PADI3: variants seen among roughly 807,000 people sequenced by gnomAD.
PADI3 encodes protein-arginine deiminase type-3.
PADI3 carries 53 observed loss-of-function variants against 71.5 expected under a neutral mutation model. The ratio of observed to expected loss-of-function variants is 0.74; its 90% CI spans 0.59 to 0.93. The LOEUF (loss-of-function observed/expected upper bound fraction) is 0.93, where lower values mean the gene tolerates loss of function less well. PADI3 is among the 40% of genes least tolerant of loss of function. The probability of loss-of-function intolerance (pLI) is 0.00; values close to 1 mark genes in which losing one functional copy is unlikely to be tolerated. For missense variants in PADI3, 821 were observed against 868.0 expected, an observed-to-expected ratio of 0.95 and a Z score of 0.68; for synonymous variants, 361 against 347.5, an observed-to-expected ratio of 1.04 and a Z score of -0.43.
intron 13 of PADI3, chr1:17,278,005 C>A (rs1032781184): frequency 5.8e-5 from 9 of 154,144 alleles, no homozygotes; most frequent in African/African-American, 1.9e-4. Flanking sequence ...CATGCCCAAG[C>A]ACAGCCCCCT....
chr1:17,271,654 T>C (rs1340472143), intron 9 of PADI3, among the ~76,000 whole-genome samples: 8 of 151,604 alleles, frequency 5.3e-5, no homozygotes, highest in Admixed American at 5.3e-4. Flanking sequence ...AGTGTGTAGC[T>C]GGGGCAACAT....
chr1:17,279,079 C>A (rs2073369268), intron 13 of PADI3, among the ~76,000 whole-genome samples: 1 of 152,118 alleles, frequency 6.6e-6, no homozygotes, highest in Non-Finnish European at 1.5e-5. Context: ...CCTGGGAGAA[C>A]TTATGGTGAG....
intron 4 of PADI3, 73 bp from the exon 5 acceptor site, chr1:17,266,646 G>C: frequency 7.7e-7 from 1 of 1,290,356 alleles, no homozygotes; most frequent in Non-Finnish European, 1.1e-6. Flanking sequence ...TACAGGCCAG[G>C]CTCGGGTTCC....
intron 3 of PADI3, 70 bp from the exon 4 acceptor site, chr1:17,265,589 C>A: frequency 7.3e-7 from 1 of 1,360,942 alleles, no homozygotes; most frequent in Non-Finnish European, 1.1e-6. Context: ...CCCAGACAAG[C>A]CCTGAGATCA....
chr1:17,255,413 G>A (rs1430958176), intron 1 of PADI3, among the ~76,000 whole-genome samples: 9 of 152,180 alleles, frequency 5.9e-5, no homozygotes, highest in Non-Finnish European at 7.3e-5. Context: ...CCTCAGCGGC[G>A]AGGGTCCAAG....
intron 9 of PADI3, among the ~76,000 whole-genome samples, chr1:17,272,632 G>A (rs907505149): frequency 5.3e-5 from 8 of 151,984 alleles, no homozygotes; most frequent in Non-Finnish European, 8.8e-5. Context: ...TCAGTCTCCC[G>A]AGTAGCTGAG....
chr1:17,276,365 A>G (rs2073330045), intron 11 of PADI3, among the ~76,000 whole-genome samples, 154 bp from the exon 12 acceptor site: 1 of 152,196 alleles, frequency 6.6e-6, no homozygotes, highest in African/African-American at 2.4e-5. Context: ...AAAATGAAAT[A>G]TACATATTTA....
rs1196972831 is a variant in PADI3 at position 17,274,786 on chromosome 1, G to T, written c.1307G>T (p.Gly436Val). ...GRILIGGNLP[G>V]SSGRRVTQVV... The stretch of plus-strand genomic sequence containing the variant: ...ATCCTCATTGGGGGCAACCTGCCTG[G>T]GTGAGAGAGAGACAGGGAATGGAGT... The change falls in exon 11 of 16, where the codon GGG becomes GTG. Residue 436 changes from glycine (G) to valine (V), a missense_variant and splice_region_variant. Transcript: ENST00000375460. 3 of 1,612,836 alleles carry T rather than the reference G, an allele frequency of 1.9e-6. No individual in the cohort carries two copies. Among genetic ancestry groups the T allele is most frequent in the Admixed American group, 3.3e-5 (2 of 59,914 alleles).
At chr1:17,278,000 C>T (rs2073356410) in intron 13 of PADI3, 1 of 154,148 alleles carries the variant, frequency 6.5e-6, no homozygotes. Flanking sequence ...AGAGGCATGC[C>T]CAAGCACAGC....
At chr1:17,275,186 A>C (rs897122980) in intron 11 of PADI3, among the ~76,000 whole-genome samples, 10 of 152,102 alleles carry the variant, frequency 6.6e-5, no homozygotes, top group African/African-American at 2.4e-4. Context: ...CCGTAATCCC[A>C]GCACTTTGGG....
intron 3 of PADI3, 91 bp from the exon 4 acceptor site, chr1:17,265,568 C>T (rs2073156821): frequency 8.7e-7 from 1 of 1,153,604 alleles, no homozygotes; most frequent in Non-Finnish European, 1.3e-6. Flanking sequence ...AATGACTTGC[C>T]TTTGCTCAGC....
Position 17,258,499 on chromosome 1 carries a change from G to A in PADI3, c.93-1079G>A, listed in dbSNP as rs150358502. Among the ~76,000 whole-genome samples the A allele has an allele frequency of 2.7e-3, 404 of 152,374 alleles. 2 individuals carry two copies. Among genetic ancestry groups the A allele is most frequent in the Middle Eastern group, 0.01 (3 of 294 alleles). On this transcript the variant is annotated intron_variant, in intron 1 of 15. Transcript: ENST00000375460. ...AATCTCAGGGCCAGATAACATCACA[G>A]ATACTTTAAACCTGCAATTAATTTC...
At chr1:17,268,583 C>G (rs1022585418) in intron 6 of PADI3, among the ~76,000 whole-genome samples, 1 of 144,444 alleles carries the variant, frequency 6.9e-6, no homozygotes, top group African/African-American at 2.6e-5. Context: ...CCTCGGGTCA[C>G]TGCAACCTCC....
intron 1 of PADI3, among the ~76,000 whole-genome samples, chr1:17,257,802 G>A (rs1043420943): frequency 5.3e-5 from 8 of 152,188 alleles, no homozygotes; most frequent in African/African-American, 4.8e-5. Flanking sequence ...AGTCCCCTAC[G>A]TATCCTGTGC....
chr1:17,252,664 A>G (rs1348344243), intron 1 of PADI3, among the ~76,000 whole-genome samples: 1 of 152,078 alleles, frequency 6.6e-6, no homozygotes, highest in Non-Finnish European at 1.5e-5. Context: ...TGAGCCTCCC[A>G]AAGTGTTGGG....
intron 1 of PADI3, among the ~76,000 whole-genome samples, chr1:17,252,950 G>A (rs534980601): frequency 6.6e-6 from 1 of 152,350 alleles, no homozygotes; most frequent in South Asian, 2.1e-4. Context: ...GCAGTCCCCA[G>A]GCTGGTTCAG....
rs767920251 is a variant in PADI3, at chr1:17,280,760, C to T, written c.1725C>T (p.Thr575=). Residue 575 remains threonine, a synonymous_variant, in exon 15 of 16, where the codon ACC becomes ACT. Coordinates refer to ENST00000375460, the MANE Select transcript of PADI3 (RefSeq NM_016233.2). ...TTGACATCCCACAGCTCTTCAAGAC[C>T]GAGAGGAAAAAAGCAACGGCCTTCT... is the stretch of plus-strand genomic sequence containing the variant. The part of the protein sequence containing the change: ...DIIDIPQLFK[T]ERKKATAFFP... The T allele has an allele frequency of 1.8e-5, 29 of 1,613,952 alleles. No individual in the cohort carries two copies. Among genetic ancestry groups the T allele is most frequent in the South Asian group, 3.3e-5 (3 of 91,074 alleles).
At chr1:17,271,040 GC>G in intron 8 of PADI3, 26 bp from the exon 9 acceptor site, 6 of 1,613,784 alleles carry the variant, frequency 3.7e-6, no homozygotes, top group South Asian at 1.1e-5. Context: ...TCCATCCTGA[GC>G]CCCTCTTCCC....
chr1:17,275,428 C>A (rs1202561465), intron 11 of PADI3, among the ~76,000 whole-genome samples: 1 of 116,444 alleles, frequency 8.6e-6, no homozygotes, highest in Non-Finnish European at 1.8e-5. Context: ...CAGAGCGAGA[C>A]TCCGTCTCAA....
Sources: gnomAD v4.1 joint callset for allele counts (sites outside exome capture counted in the v4.1 genomes callset) on GRCh38, gnomAD v4.1.1 for gene constraint, MANE v1.5 for transcripts, NCBI Gene and HGNC (gene_info 2026-07-23, HGNC 2026-07-21) for gene names.